Variants in LRMDA observed in about 807,000 individuals in gnomAD.
The protein encoded by LRMDA is leucine rich melanocyte differentiation associated, also known as leucine-rich melanocyte differentiation-associated protein.
Under a neutral mutation model 29.8 loss-of-function variants are expected in LRMDA, and 18 were observed. The observed-to-expected ratio is 0.60, with a 90% CI of 0.42 to 0.90. LRMDA has a LOEUF of 0.90. Among genes scored for constraint, LRMDA ranks in the 40% least tolerant of loss-of-function variants. The pLI, the probability that LRMDA is intolerant of heterozygous loss-of-function variation, is 0.00. For synonymous variants in LRMDA, 125 were observed against 109.4 expected (o/e 1.14, Z -0.89); for missense variants, 273 against 273.9 (o/e 1.00, Z 0.02).
At chr10:76,349,391 G>T (rs919945640) in intron 6 of LRMDA, among the ~76,000 whole-genome samples, 5 of 152,002 alleles carry the variant, frequency 3.3e-5, no homozygotes, top group Admixed American at 6.6e-5. Context: ...GAGCTAGCTT[G>T]CCACTCCTGC....
rs112728316 is a variant in LRMDA, at chr10:76,182,658, A to G, written c.516+123875A>G. Reference sequence around the variant, plus strand: ...AGTTAGCACACTGTAGACAGGGTACATGGAAAAATGTCTGGTGTCCCTGAC... The same window carrying G: ...AGTTAGCACACTGTAGACAGGGTACGTGGAAAAATGTCTGGTGTCCCTGAC... On this transcript the variant is annotated intron_variant, in intron 5 of 6. Coordinates refer to ENST00000611255, the MANE Select transcript of LRMDA (RefSeq NM_001305581.2). 1.4e-3 allele frequency among the ~76,000 whole-genome samples: 215 copies of G among 152,294 alleles called. 2 individuals carry two copies. Among genetic ancestry groups the G allele is most frequent in the African/African-American group, 4.9e-3 (205 of 41,564 alleles).
At chr10:76,343,087 T>C (rs1841060627) in intron 6 of LRMDA, among the ~76,000 whole-genome samples, 1 of 152,188 alleles carries the variant, frequency 6.6e-6, no homozygotes, top group Admixed American at 6.5e-5. Flanking sequence ...AAAGTGAAGA[T>C]GAGAAGAGAT....
Position 76,114,679 on chromosome 10 carries a change from C to A in LRMDA, c.516+55896C>A, listed in dbSNP as rs189879236. Among the ~76,000 whole-genome samples, 8 of 152,296 alleles carry A rather than the reference C, an allele frequency of 5.3e-5. No individual in the cohort carries two copies. The East Asian group carries it at 1.5e-3, about 29-fold the overall frequency. On this transcript the variant is annotated intron_variant, in intron 5 of 6. Coordinates refer to ENST00000611255, the MANE Select transcript of LRMDA (RefSeq NM_001305581.2). The stretch of plus-strand genomic sequence containing the variant: ...ATCAGCTTACGTGTGTGCAGCTGAG[C>A]GTTGAGTGCCTCCTCCCCTGCCAGA...
intron 2 of LRMDA, among the ~76,000 whole-genome samples, chr10:76,026,005 T>C (rs1848057004): frequency 6.6e-6 from 1 of 152,072 alleles, no homozygotes; most frequent in Non-Finnish European, 1.5e-5. Flanking sequence ...TATAGAGGTG[T>C]ACCCCAAGGG....
Position 76,350,553 on chromosome 10 carries a change from A to C in LRMDA, c.601+26068A>C, listed in dbSNP as rs530746007. Among the ~76,000 whole-genome samples, 9 of 151,662 alleles carry C rather than the reference A, an allele frequency of 5.9e-5. 1 individual carries two copies. Among genetic ancestry groups the C allele is most frequent in the African/African-American group, 2.2e-4 (9 of 41,300 alleles). On this transcript the variant is annotated intron_variant, in intron 6 of 6. Coordinates refer to ENST00000611255, the MANE Select transcript of LRMDA (RefSeq NM_001305581.2). Reference sequence around the variant, plus strand: ...GCTAGGCAGGAGTCGGGGATTATGGATAGCATAGAAGAGGGAGGAATATCA... The same window carrying C: ...GCTAGGCAGGAGTCGGGGATTATGGCTAGCATAGAAGAGGGAGGAATATCA...
intron 2 of LRMDA, among the ~76,000 whole-genome samples, chr10:75,930,782 T>G (rs1187704788): frequency 6.6e-6 from 1 of 152,212 alleles, no homozygotes; most frequent in Non-Finnish European, 1.5e-5. Context: ...TAATTGTGAT[T>G]CTTAGAAAAG....
intron 2 of LRMDA, among the ~76,000 whole-genome samples, chr10:75,832,417 A>T (rs1844361527): frequency 6.6e-6 from 1 of 152,168 alleles, no homozygotes; most frequent in Admixed American, 6.5e-5. Flanking sequence ...CTCAGCCTGG[A>T]TTGCATTGTC....
intron 5 of LRMDA, among the ~76,000 whole-genome samples, chr10:76,267,013 A>G (rs1840013862): frequency 6.6e-6 from 1 of 152,026 alleles, no homozygotes. Context: ...ATAAATTCAA[A>G]TTGTAACTAA....
chr10:76,143,459 T>C (rs1850246852), intron 5 of LRMDA, among the ~76,000 whole-genome samples: 1 of 152,206 alleles, frequency 6.6e-6, no homozygotes, highest in African/African-American at 2.4e-5. Context: ...TGAGCATTTT[T>C]TCATGTGTTT....
chr10:75,477,266 AG>A (rs1844806796), intron 2 of LRMDA, among the ~76,000 whole-genome samples: 1 of 152,118 alleles, frequency 6.6e-6, no homozygotes, highest in Admixed American at 6.5e-5. Context: ...CTTCTTGTGA[AG>A]ACACCAGTCA....
intron 2 of LRMDA, among the ~76,000 whole-genome samples, chr10:75,580,260 A>C (rs995757899): frequency 2.0e-5 from 3 of 152,230 alleles, no homozygotes; most frequent in Non-Finnish European, 1.5e-5. Context: ...AATCACAAAC[A>C]TTCCTATACA....
intron 5 of LRMDA, among the ~76,000 whole-genome samples, chr10:76,265,730 A>C (rs73289005): frequency 6.6e-6 from 1 of 152,126 alleles, no homozygotes; most frequent in African/African-American, 2.4e-5. Context: ...TCAGCTTTCC[A>C]TGTGTGTTGG....
chr10:75,996,314 TG>T (rs1241588696), intron 2 of LRMDA, among the ~76,000 whole-genome samples: 2 of 152,220 alleles, frequency 1.3e-5, no homozygotes, highest in Non-Finnish European at 2.9e-5. Flanking sequence ...TCTAGGTTCA[TG>T]GGGAGTTTTG....
chr10:75,844,229 C>T (rs904820624), intron 2 of LRMDA, among the ~76,000 whole-genome samples: 7 of 152,190 alleles, frequency 4.6e-5, no homozygotes, highest in African/African-American at 7.2e-5. Flanking sequence ...CCATCCATGT[C>T]AGAGCAATGG....
chr10:76,022,215 G>T (rs1458878782), intron 2 of LRMDA, among the ~76,000 whole-genome samples: 1 of 152,148 alleles, frequency 6.6e-6, no homozygotes, highest in Non-Finnish European at 1.5e-5. Flanking sequence ...TGGAGGACAG[G>T]ATTGTACTCC....
At chr10:75,578,065 A>T (rs1196124332) in intron 2 of LRMDA, among the ~76,000 whole-genome samples, 4 of 152,068 alleles carry the variant, frequency 2.6e-5, no homozygotes, top group Non-Finnish European at 5.9e-5. Context: ...AAATGGGCTA[A>T]ATGCCCCAAT....
intron 6 of LRMDA, chr10:76,403,381 A>C (rs1841869499): frequency 6.6e-6 from 1 of 151,696 alleles, no homozygotes; most frequent in Admixed American, 6.6e-5. Context: ...GAGGGCCAAG[A>C]AGTCAAAGTC....
At chr10:75,665,931 T>A (rs1242381153) in intron 2 of LRMDA, among the ~76,000 whole-genome samples, 2 of 152,208 alleles carry the variant, frequency 1.3e-5, no homozygotes, top group Non-Finnish European at 2.9e-5. Flanking sequence ...GTAAATTCAC[T>A]TCAGTATTCC....
intron 5 of LRMDA, among the ~76,000 whole-genome samples, chr10:76,143,019 A>G (rs1411461854): frequency 1.3e-5 from 2 of 152,188 alleles, no homozygotes; most frequent in African/African-American, 2.4e-5. Context: ...AAGGACATGA[A>G]CGCATCATTT....
Sources: allele counts gnomAD v4.1 joint callset (sites outside exome capture counted in the v4.1 genomes callset), GRCh38; gene constraint gnomAD v4.1.1; transcripts MANE v1.5; gene names NCBI Gene and HGNC (gene_info 2026-07-23, HGNC 2026-07-21).